The following MB21D2 variants were observed in gnomAD, a reference collection of about 807,000 sequenced individuals.
MB21D2 encodes Mab-21 domain containing 2.
A neutral mutation model predicts 33.3 loss-of-function variants in MB21D2; 9 were observed. That is an observed-to-expected ratio of 0.27 (90% CI 0.16 to 0.47). MB21D2 has a LOEUF of 0.47. Ranked by LOEUF, MB21D2 falls within the 20% of genes least tolerant of loss-of-function variation. The pLI is 0.99. For synonymous variants in MB21D2, 241 were observed against 236.3 expected, an observed-to-expected ratio of 1.02 and a Z score of -0.18; for missense variants, 540 against 624.6, an observed-to-expected ratio of 0.86 and a Z score of 1.44.
intron 1 of MB21D2, among the ~76,000 whole-genome samples, chr3:192,909,262 A>AATAT (rs1714286353): frequency 1.3e-5 from 2 of 150,062 alleles, no homozygotes; most frequent in African/African-American, 2.5e-5. Flanking sequence ...TCTCAAAAAA[A>AATAT]AAAAATAAAA....
intron 1 of MB21D2, among the ~76,000 whole-genome samples, chr3:192,856,052 G>A (rs1190737224): frequency 6.6e-6 from 1 of 152,142 alleles, no homozygotes. Flanking sequence ...GCAAGATTCT[G>A]TCTCAAAAAG....
At chr3:192,901,352 G>A (rs1255216534) in intron 1 of MB21D2, among the ~76,000 whole-genome samples, 4 of 147,826 alleles carry the variant, frequency 2.7e-5, no homozygotes, top group African/African-American at 1.0e-4. Flanking sequence ...GGCAGATCAC[G>A]AGGTCAGGAG....
intron 1 of MB21D2, among the ~76,000 whole-genome samples, chr3:192,858,072 C>T (rs1444256466): frequency 6.6e-6 from 1 of 152,092 alleles, no homozygotes; most frequent in Non-Finnish European, 1.5e-5. Flanking sequence ...TTGCGGTGAG[C>T]CAAGATCACA....
Position 192,798,782 on chromosome 3 carries a change from G to A in MB21D2, c.1080C>T (p.Gly360=). The change falls in exon 2 of 2, where the codon GGC becomes GGT. Residue 360 remains glycine, a synonymous_variant. Coordinates refer to ENST00000392452, the MANE Select transcript of MB21D2 (RefSeq NM_178496.4). The surrounding 1 kb of genome is among the most constrained non-coding windows in gnomAD (Gnocchi z 4.8). ...GACAGTGTTGCAGGTCATCGATGAG[G>A]CCCAGCAAAAAGTGGGCTGCATAGT... ...QEDYAAHFLL[G]LIDDLQHCLV... 6.2e-7 allele frequency: 1 copy of A among 1,612,798 alleles called. No individual in the cohort carries two copies. The highest frequency in any genetic ancestry group is 2.2e-5 in the East Asian group (1 of 44,886).
At chr3:192,846,567 C>T (rs1712684436) in intron 1 of MB21D2, among the ~76,000 whole-genome samples, 1 of 152,192 alleles carries the variant, frequency 6.6e-6, no homozygotes, top group Non-Finnish European at 1.5e-5. Flanking sequence ...TCCTAACCCA[C>T]TCATAGCATC....
At chr3:192,838,515 G>A (rs555398946) in intron 1 of MB21D2, among the ~76,000 whole-genome samples, 15 of 146,132 alleles carry the variant, frequency 1.0e-4, no homozygotes, top group East Asian at 2.1e-4. Flanking sequence ...TGCAAACTCC[G>A]CCTCCCGGGT....
chr3:192,813,814 A>G (rs2108613248), intron 1 of MB21D2, among the ~76,000 whole-genome samples: 1 of 152,268 alleles, frequency 6.6e-6, no homozygotes, highest in Non-Finnish European at 1.5e-5. Context: ...AAGGTGGGAG[A>G]AAGGGCTCAA....
chr3:192,826,560 C>T (rs1483694056), intron 1 of MB21D2, among the ~76,000 whole-genome samples: 1 of 152,184 alleles, frequency 6.6e-6, no homozygotes, highest in Non-Finnish European at 1.5e-5. Context: ...ACTTGTATAT[C>T]ATTGTGATTA....
chr3:192,886,053 C>T (rs1189801183), intron 1 of MB21D2, among the ~76,000 whole-genome samples: 6 of 152,140 alleles, frequency 3.9e-5, no homozygotes, highest in South Asian at 2.1e-4. Context: ...CTCCGCCTCC[C>T]GGGTTCAAGC....
At chr3:192,899,204 T>C (rs1714041484) in intron 1 of MB21D2, among the ~76,000 whole-genome samples, 1 of 152,182 alleles carries the variant, frequency 6.6e-6, no homozygotes, top group African/African-American at 2.4e-5. Flanking sequence ...GGGCTGGAGC[T>C]GGGTTTCCAA....
intron 1 of MB21D2, among the ~76,000 whole-genome samples, chr3:192,815,753 A>G (rs1341137962): frequency 6.6e-6 from 1 of 152,154 alleles, no homozygotes; most frequent in African/African-American, 2.4e-5. Context: ...CCAGGTATTC[A>G]TTTAGTTTGA....
rs764821841 is a variant in MB21D2, at chr3:192,798,642, G to A, written c.1220C>T (p.Pro407Leu). 33 of 1,613,546 alleles carry A rather than the reference G, an allele frequency of 2.0e-5. No individual in the cohort carries two copies. The highest frequency in any genetic ancestry group is 6.7e-5 in the African/African-American group (5 of 74,930). The change falls in exon 2 of 2, where the codon CCG becomes CTG. Residue 407 changes from proline to leucine, a missense_variant. Physicochemically the swap from Pro to Leu is moderately conservative, Grantham distance 98. Coordinates refer to ENST00000392452, the MANE Select transcript of MB21D2 (RefSeq NM_178496.4). This position sits in a 1 kb window ranked among gnomAD's most constrained non-coding sequence, Gnocchi z 4.8. ...AATGGCGGTGCGCAAGTGCTCTGCC[G>A]GGTCTGAGCGCACAGAGGACAGCTT... ...ARKLSSVRSD[P>L]AEHLRTAIEH...
intron 1 of MB21D2, among the ~76,000 whole-genome samples, chr3:192,831,161 A>G (rs536714456): frequency 2.0e-5 from 3 of 152,232 alleles, no homozygotes; most frequent in Non-Finnish European, 4.4e-5. Context: ...TCCTTGGATC[A>G]CATGCTTGGG....
intron 1 of MB21D2, among the ~76,000 whole-genome samples, chr3:192,896,074 C>T (rs1713966768): frequency 6.6e-6 from 1 of 152,302 alleles, no homozygotes; most frequent in East Asian, 1.9e-4. Flanking sequence ...CTCCGCTGCT[C>T]GTTTAACATA....
intron 1 of MB21D2, among the ~76,000 whole-genome samples, chr3:192,870,728 A>AGAG (rs201382952): frequency 4.2e-4 from 50 of 118,542 alleles, no homozygotes; most frequent in African/African-American, 2.2e-3. Flanking sequence ...AAGGAAGGAG[A>AGAG]GAAGAAGGAA....
In MB21D2 at chr3:192,797,106, G is replaced by C. The variant is rs1296637387; in HGVS notation, c.*1280C>G. The C allele has an allele frequency of 1.3e-5, 2 of 152,550 alleles. No homozygotes were observed. Among genetic ancestry groups the C allele is most frequent in the Non-Finnish European group, 2.9e-5 (2 of 68,052 alleles). 9.4% of individuals were successfully genotyped at this position (152,550 alleles called of 1,614,324 possible). Reference sequence around the variant, plus strand: ...TGCCATGAGTCCACACCAAAACAGGGAGCCAATACCTTCCAGCACCTAATC... The same window carrying C: ...TGCCATGAGTCCACACCAAAACAGGCAGCCAATACCTTCCAGCACCTAATC... On this transcript the variant is annotated 3_prime_UTR_variant, in exon 2 of 2. Coordinates refer to ENST00000392452, the MANE Select transcript of MB21D2 (RefSeq NM_178496.4).
intron 1 of MB21D2, among the ~76,000 whole-genome samples, chr3:192,821,292 G>C (rs2108616425): frequency 6.6e-6 from 1 of 152,282 alleles, no homozygotes; most frequent in African/African-American, 2.4e-5. Flanking sequence ...ATAGTCAGTG[G>C]ATCTGATAGC....
chr3:192,841,596 G>C (rs893382824), intron 1 of MB21D2, among the ~76,000 whole-genome samples: 2 of 152,234 alleles, frequency 1.3e-5, no homozygotes, highest in Admixed American at 1.3e-4. Flanking sequence ...CCAGTCAAGT[G>C]TTCCAAAGGC....
intron 1 of MB21D2, among the ~76,000 whole-genome samples, chr3:192,810,395 A>G (rs1413371999): frequency 6.6e-6 from 1 of 152,184 alleles, no homozygotes; most frequent in South Asian, 2.1e-4. Context: ...CCCAATTTAT[A>G]TAAAGAAGCC....
Sources: allele counts gnomAD v4.1 joint callset (sites outside exome capture counted in the v4.1 genomes callset), GRCh38; gene constraint gnomAD v4.1.1; non-coding constraint Gnocchi (gnomAD v3.1); transcripts MANE v1.5; gene names NCBI Gene and HGNC (gene_info 2026-07-23, HGNC 2026-07-21).